Variants in SCAI observed in about 807,000 individuals in gnomAD.
The protein encoded by SCAI is protein SCAI.
A neutral mutation model predicts 92.2 loss-of-function variants in SCAI; 24 were observed. The observed-to-expected ratio is 0.26, with a 90% confidence interval of 0.19 to 0.37. SCAI has a LOEUF of 0.37. Among genes scored for constraint, SCAI ranks in the 10% least tolerant of loss-of-function variants. The pLI is 1.00. For missense variants in SCAI, 450 were observed against 736.2 expected, an observed-to-expected ratio of 0.61 and a Z score of 4.50; for synonymous variants, 261 against 258.6, an observed-to-expected ratio of 1.01 and a Z score of -0.09.
chr9:125,040,948 A>G (rs1833308644), intron 3 of SCAI, among the ~76,000 whole-genome samples: 1 of 152,244 alleles, frequency 6.6e-6, no homozygotes, highest in South Asian at 2.1e-4. Flanking sequence ...TGTTTTAAAA[A>G]TGCTGTAATA....
At chr9:125,077,761 C>T (rs1305064267) in intron 2 of SCAI, among the ~76,000 whole-genome samples, 1 of 152,126 alleles carries the variant, frequency 6.6e-6, no homozygotes, top group African/African-American at 2.4e-5. Context: ...CTCTGTCGCC[C>T]AGGCCGGAGT....
Position 125,136,664 on chromosome 9 carries a change from T to C in SCAI, c.98+5969A>G, listed in dbSNP as rs145457438. Among the ~76,000 whole-genome samples the C allele has an allele frequency of 3.0e-3, 457 of 151,890 alleles. 4 individuals are homozygous for C. The highest frequency in any genetic ancestry group is 0.011 in the African/African-American group (438 of 41,450). On this transcript the variant is annotated intron_variant, in intron 2 of 17. Coordinates refer to ENST00000336505, the MANE Select transcript of SCAI (RefSeq NM_001144877.3). ...TTAGTAGAGACGGGGTTTCGCTACA[T>C]TGGCCAGACTGGTCTCAAACTCCTG...
At chr9:124,971,251 G>GAATTTATCCAAAATAATATTATTTTA (rs1831653549) in intron 17 of SCAI, 119 bp downstream of exon 17, 2 of 506,746 alleles carry the variant, frequency 3.9e-6, no homozygotes, top group African/African-American at 4.0e-5. Context: ...ATATTATTTT[G>GAATTTATCCAAAATAATATTATTTTA]AATTTATCCA....
At chr9:125,053,701 T>C (rs999772484) in intron 3 of SCAI, among the ~76,000 whole-genome samples, 3 of 152,188 alleles carry the variant, frequency 2.0e-5, no homozygotes, top group Non-Finnish European at 4.4e-5. Context: ...ACCGGATTTC[T>C]TTTGGGGGTG....
At chr9:125,141,903 G>A (rs984886956) in intron 2 of SCAI, among the ~76,000 whole-genome samples, 4 of 152,132 alleles carry the variant, frequency 2.6e-5, no homozygotes, top group Non-Finnish European at 5.9e-5. Flanking sequence ...ACAGTACTTG[G>A]CACATAGTAG....
chr9:124,996,267 T>C (rs1156436643), intron 13 of SCAI, among the ~76,000 whole-genome samples: 2 of 152,060 alleles, frequency 1.3e-5, no homozygotes, highest in African/African-American at 4.8e-5. Flanking sequence ...ACATAAGCTT[T>C]ACTCTTTCAG....
chr9:125,109,266 T>G (rs1185683908), intron 2 of SCAI, among the ~76,000 whole-genome samples: 3 of 152,050 alleles, frequency 2.0e-5, no homozygotes, highest in Admixed American at 2.0e-4. Context: ...AGACCTTTGT[T>G]CACTTGTTTA....
At chr9:124,968,499 T>C (rs1488857630) in intron 17 of SCAI, 6 of 870,700 alleles carry the variant, frequency 6.9e-6, no homozygotes, top group African/African-American at 6.6e-5. Context: ...GTTGATCACG[T>C]AGGTTGCTAG....
intron 2 of SCAI, among the ~76,000 whole-genome samples, chr9:125,058,943 C>G (rs1833723310): frequency 6.6e-6 from 1 of 152,148 alleles, no homozygotes. Flanking sequence ...ATAGTAATAG[C>G]AATGGATTAT....
intron 2 of SCAI, among the ~76,000 whole-genome samples, chr9:125,125,410 C>T (rs1835240834): frequency 1.3e-5 from 2 of 151,808 alleles, no homozygotes; most frequent in African/African-American, 4.8e-5. Context: ...TGCCTGTAAT[C>T]CTAGCTACTC....
intron 17 of SCAI, among the ~76,000 whole-genome samples, chr9:124,966,086 T>A (rs1346264315): frequency 1.1e-4 from 16 of 152,214 alleles, no homozygotes; most frequent in Non-Finnish European, 7.3e-5. Flanking sequence ...GTTATGATTT[T>A]TTAAAATTAT....
rs186814441 is a variant in SCAI at position 125,031,295 on chromosome 9, C to T, written c.231-1556G>A. On this transcript the variant is annotated intron_variant, in intron 3 of 17. Coordinates refer to ENST00000336505, the MANE Select transcript of SCAI (RefSeq NM_001144877.3). ...TTTTTTTTTGAGATGGAGTCGCGCT[C>T]TTGCCGCCCAGGCTGGAGTGCAGTG... 1.6e-3 allele frequency among the ~76,000 whole-genome samples: 242 copies of T among 151,196 alleles called. 1 individual carries two copies. Among genetic ancestry groups the T allele is most frequent in the African/African-American group, 5.7e-3 (234 of 41,176 alleles).
intron 9 of SCAI, among the ~76,000 whole-genome samples, chr9:125,017,459 G>A (rs1285550789): frequency 7.2e-5 from 11 of 151,898 alleles, no homozygotes; most frequent in African/African-American, 1.9e-4. Flanking sequence ...TTTCAAAAAC[G>A]TTGTAGACAT....
intron 3 of SCAI, among the ~76,000 whole-genome samples, chr9:125,043,506 G>A (rs1473183478): frequency 1.3e-5 from 2 of 152,102 alleles, no homozygotes; most frequent in Non-Finnish European, 2.9e-5. Context: ...ATTCCTCCAG[G>A]CCGGTGTGCA....
chr9:125,110,815 G>T (rs1440589660), intron 2 of SCAI, among the ~76,000 whole-genome samples: 1 of 152,120 alleles, frequency 6.6e-6, no homozygotes, highest in African/African-American at 2.4e-5. Flanking sequence ...GGACTAATAT[G>T]GTTCTGCTCC....
At chr9:125,142,610 A>G (rs779660658) in intron 2 of SCAI, 23 bp downstream of exon 2, 1 of 1,607,842 alleles carries the variant, frequency 6.2e-7, no homozygotes, top group Non-Finnish European at 8.5e-7. Context: ...AACATGAAGC[A>G]AAATAGGAAG....
intron 17 of SCAI, chr9:124,968,711 A>C: frequency 7.1e-7 from 1 of 1,400,438 alleles, no homozygotes; most frequent in Non-Finnish European, 1.0e-6. Flanking sequence ...TCAAATAGAC[A>C]CTCTGCTTTT....
intron 2 of SCAI, among the ~76,000 whole-genome samples, chr9:125,104,089 C>T (rs1476743956): frequency 6.6e-6 from 1 of 152,020 alleles, no homozygotes. Context: ...AGGATTATTA[C>T]CACAAGTAGA....
intron 17 of SCAI, among the ~76,000 whole-genome samples, chr9:124,957,971 C>A (rs1267778223): frequency 6.6e-6 from 1 of 152,162 alleles, no homozygotes; most frequent in East Asian, 1.9e-4. Context: ...GTATGAGCCA[C>A]CATGTCCAGC....
Sources: allele counts gnomAD v4.1 joint callset (sites outside exome capture counted in the v4.1 genomes callset), GRCh38; gene constraint gnomAD v4.1.1; transcripts MANE v1.5; gene names NCBI Gene and HGNC (gene_info 2026-07-23, HGNC 2026-07-21).